Variants in PPM1E observed in about 807,000 individuals in gnomAD.
The protein encoded by PPM1E is protein phosphatase 1E.
PPM1E carries 20 observed loss-of-function variants against 65.9 expected under a neutral mutation model. The observed-to-expected ratio is 0.30, with a 90% CI of 0.21 to 0.44. The LOEUF is 0.44. Among genes scored for constraint, PPM1E ranks in the 20% least tolerant of loss-of-function variants. PPM1E has a pLI of 1.00. For synonymous variants in PPM1E, 352 were observed against 374.9 expected, an observed-to-expected ratio of 0.94 and a Z score of 0.70; for missense variants, 713 against 953.1, an observed-to-expected ratio of 0.75 and a Z score of 3.32.
intron 1 of PPM1E, among the ~76,000 whole-genome samples, chr17:58,762,713 C>T (rs377126537): frequency 1.3e-3 from 205 of 151,912 alleles, no homozygotes; most frequent in South Asian, 7.5e-3. Flanking sequence ...CCGGCTAAAA[C>T]GGTGAAACCT....
intron 2 of PPM1E, among the ~76,000 whole-genome samples, chr17:58,959,011 T>TA (rs1418273454): frequency 5.3e-5 from 8 of 151,888 alleles, no homozygotes; most frequent in African/African-American, 9.7e-5. Flanking sequence ...GTTGTCAACA[T>TA]AAAAAAATCT....
At chr17:58,936,903 A>C (rs2051988538) in intron 1 of PPM1E, among the ~76,000 whole-genome samples, 3 of 152,220 alleles carry the variant, frequency 2.0e-5, no homozygotes, top group Non-Finnish European at 4.4e-5. Context: ...AAAGAGAGCC[A>C]GCTTTCATAT....
At position 58,902,939 on chromosome 17, in the gene PPM1E, C is replaced by T. The variant is rs2051514657; in HGVS notation, c.465-52710C>T. The stretch of plus-strand genomic sequence containing the variant: ...TTCCTATAAATTAAATTAAATCTGA[C>T]TTTGAATTGCCCAACCTGGTAAAAT... On this transcript the variant is annotated intron_variant, in intron 1 of 6. Coordinates refer to ENST00000308249, the MANE Select transcript of PPM1E (RefSeq NM_014906.5). Among the ~76,000 whole-genome samples the T allele has an allele frequency of 3.3e-5, 5 of 152,208 alleles. No homozygotes were observed. The South Asian group carries it at 1.0e-3, about 32-fold the overall frequency.
At chr17:58,963,730 T>A (rs1174139883) in intron 2 of PPM1E, among the ~76,000 whole-genome samples, 3 of 150,264 alleles carry the variant, frequency 2.0e-5, no homozygotes, top group African/African-American at 7.4e-5. Flanking sequence ...AAATAAAAAA[T>A]AAATAAAAAT....
In PPM1E at chr17:58,899,586, G is replaced by T. The variant is rs148312146; in HGVS notation, c.465-56063G>T. 353 of 222,418 alleles carry T rather than the reference G, an allele frequency of 1.6e-3. 2 individuals carry two copies. Among genetic ancestry groups the T allele is most frequent in the African/African-American group, 7.6e-3 (332 of 43,544 alleles). 13.8% of individuals were successfully genotyped at this position (222,418 alleles called of 1,614,324 possible). ...GCTTCTGTAAAATTGACAGAGGGGG[G>T]AAAACCCTGTAAAGTGGTTGGTTGC... On this transcript the variant is annotated intron_variant, in intron 1 of 6. Coordinates refer to ENST00000308249, the MANE Select transcript of PPM1E (RefSeq NM_014906.5).
intron 1 of PPM1E, among the ~76,000 whole-genome samples, chr17:58,758,854 C>T (rs1323783753): frequency 6.6e-6 from 1 of 151,890 alleles, no homozygotes; most frequent in Non-Finnish European, 1.5e-5. Flanking sequence ...CTGAGGTGGG[C>T]GGAACACCTG....
chr17:58,945,776 A>T (rs553439628), intron 1 of PPM1E, among the ~76,000 whole-genome samples: 1 of 152,340 alleles, frequency 6.6e-6, no homozygotes, highest in South Asian at 2.1e-4. Flanking sequence ...GGATATTATA[A>T]AGGATATAAA....
At position 58,812,354 on chromosome 17, in the gene PPM1E, G is replaced by A. The variant is rs1055761063; in HGVS notation, c.464+55893G>A. Among the ~76,000 whole-genome samples the A allele has an allele frequency of 7.1e-5, 10 of 141,480 alleles. No individual in the cohort carries two copies. In the Admixed American group the frequency reaches 7.2e-4, roughly 10 times the overall value. 92.8% of individuals were successfully genotyped at this position (141,480 alleles called of 152,430 possible). A position where few individuals can be genotyped will look rare whatever the true frequency, so the allele number is the denominator to read the frequency against. On this transcript the variant is annotated intron_variant, in intron 1 of 6. Transcript: ENST00000308249. ...AGAATAGGGAGTTCTAATATAGTCT[G>A]TTCAACAACTGTATAATAGAATCCA...
At chr17:58,909,508 G>A (rs2051598229) in intron 1 of PPM1E, among the ~76,000 whole-genome samples, 1 of 152,042 alleles carries the variant, frequency 6.6e-6, no homozygotes, top group Non-Finnish European at 1.5e-5. Context: ...TCCCCCCATA[G>A]CACTGGGATG....
At chr17:58,881,743 C>T (rs551638176) in intron 1 of PPM1E, among the ~76,000 whole-genome samples, 1 of 151,934 alleles carries the variant, frequency 6.6e-6, no homozygotes, top group African/African-American at 2.4e-5. Context: ...ACTCAGGAGG[C>T]TGAGGTGGGA....
At chr17:58,855,152 T>TCCCC (rs1018015777) in intron 1 of PPM1E, among the ~76,000 whole-genome samples, 6 of 152,270 alleles carry the variant, frequency 3.9e-5, no homozygotes, top group Middle Eastern at 6.8e-3. Flanking sequence ...CCCCTGTGCT[T>TCCCC]CTGGAAGGGA....
rs182892561 is a variant in PPM1E, at chr17:58,943,746, G to A, written c.465-11903G>A. On this transcript the variant is annotated intron_variant, in intron 1 of 6. Coordinates refer to ENST00000308249, the MANE Select transcript of PPM1E (RefSeq NM_014906.5). The stretch of plus-strand genomic sequence containing the variant: ...TGGGGCCCAGCAATCTGTGTGCTAA[G>A]AAGCCCTGCAGGTGATTCTGATGCG... Among the ~76,000 whole-genome samples the A allele has an allele frequency of 2.0e-5, 3 of 152,310 alleles. No individual in the cohort carries two copies. The East Asian group carries it at 5.8e-4, about 29-fold the overall frequency.
chr17:58,763,170 G>A (rs1320758326), intron 1 of PPM1E, among the ~76,000 whole-genome samples: 1 of 152,066 alleles, frequency 6.6e-6, no homozygotes, highest in African/African-American at 2.4e-5. Context: ...TTTATTTCTT[G>A]CTTATATAGA....
chr17:58,959,598 C>CAAA (rs199543161), intron 2 of PPM1E, among the ~76,000 whole-genome samples: 1 of 86,106 alleles, frequency 1.2e-5, no homozygotes, highest in Admixed American at 1.3e-4. Context: ...GACTCTGTCT[C>CAAA]AAAAAAAAAA....
intron 1 of PPM1E, among the ~76,000 whole-genome samples, chr17:58,848,623 C>T (rs939498034): frequency 1.3e-5 from 2 of 152,134 alleles, no homozygotes; most frequent in Non-Finnish European, 2.9e-5. Flanking sequence ...TGGACAAAGC[C>T]AACTTAATCA....
intron 1 of PPM1E, among the ~76,000 whole-genome samples, chr17:58,774,143 C>A (rs868612935): frequency 6.7e-6 from 1 of 148,368 alleles, no homozygotes; most frequent in South Asian, 2.1e-4. Context: ...GCCTGGGTGA[C>A]AAGAGGGAAA....
chr17:58,970,400 T>C (rs1376619721), intron 4 of PPM1E, among the ~76,000 whole-genome samples: 6 of 152,150 alleles, frequency 3.9e-5, no homozygotes, highest in African/African-American at 1.4e-4. Flanking sequence ...TTAACTACAG[T>C]GTTCTATATT....
intron 1 of PPM1E, among the ~76,000 whole-genome samples, chr17:58,805,166 A>G (rs181606308): frequency 7.2e-4 from 110 of 152,198 alleles, no homozygotes; most frequent in African/African-American, 2.5e-3. Context: ...GTTTGGTTAC[A>G]TGAATAAGAT....
intron 1 of PPM1E, among the ~76,000 whole-genome samples, chr17:58,768,743 C>T (rs1438697589): frequency 6.6e-6 from 1 of 152,156 alleles, no homozygotes; most frequent in Admixed American, 6.6e-5. Context: ...GGTGTTGGCT[C>T]ACCACAACCT....
Sources: gnomAD v4.1 joint callset for allele counts (sites outside exome capture counted in the v4.1 genomes callset) on GRCh38, gnomAD v4.1.1 for gene constraint, MANE v1.5 for transcripts, NCBI Gene and HGNC (gene_info 2026-07-23, HGNC 2026-07-21) for gene names.